ZBTB40: variants seen among roughly 807,000 people sequenced by gnomAD.
ZBTB40 encodes the protein zinc finger and BTB domain-containing protein 40.
ZBTB40 carries 60 observed loss-of-function variants against 117.5 expected under a neutral mutation model. That is an observed-to-expected ratio of 0.51 (90% CI 0.41 to 0.63). The LOEUF is 0.63. Ranked by LOEUF, ZBTB40 falls within the 30% of genes least tolerant of loss-of-function variation. ZBTB40 has a pLI of 0.00. For synonymous variants in ZBTB40, 525 were observed against 577.1 expected, an observed-to-expected ratio of 0.91 and a Z score of 1.29; for missense variants, 1,287 against 1,498.5, an observed-to-expected ratio of 0.86 and a Z score of 2.33.
At chr1:22,483,195 A>G (rs1638375854) in intron 1 of ZBTB40, among the ~76,000 whole-genome samples, 1 of 151,962 alleles carries the variant, frequency 6.6e-6, no homozygotes, top group Non-Finnish European at 1.5e-5. Context: ...CAGTTTATTC[A>G]TTATATCTAC....
chr1:22,506,136 G>A lies in ZBTB40; in HGVS notation c.1255G>A (p.Ala419Thr), dbSNP rs1639069819. 3 of 1,614,096 alleles carry A rather than the reference G, an allele frequency of 1.9e-6. No homozygotes were observed. The highest frequency in any genetic ancestry group is 2.2e-5 in the South Asian group (2 of 91,090). The change falls in exon 6 of 18, where the codon GCT becomes ACT. Residue 419 changes from alanine (A) to threonine (T), a missense_variant. By Grantham distance (58) the Ala-to-Thr change is moderately conservative. This residue lies in a region of ZBTB40 where 870 missense variants were observed against 934.4 expected (regional missense o/e 0.93). Coordinates refer to ENST00000375647, the MANE Select transcript of ZBTB40 (RefSeq NM_014870.4). ...AATGACTGAAGAGAAGACGCTGACT[G>A]CTGAGGGTTTGGTAAAACTCCTCCA... ...HRMTEEKTLT[A>T]EGLVKLLQAV... is the part of the protein sequence containing the mutation.
At position 22,506,245 on chromosome 1, in the gene ZBTB40, T is replaced by G; in HGVS notation, c.1360+4T>G. The G allele has an allele frequency of 6.2e-7, 1 of 1,614,022 alleles. No individual in the cohort carries two copies. Among genetic ancestry groups the G allele is most frequent in the Non-Finnish European group, 8.5e-7 (1 of 1,179,964 alleles). The stretch of plus-strand genomic sequence containing the variant: ...GCCACTTTGCCAAGCACCACAGGTA[T>G]TAGTAAATTGTTGACTCTCTGGACT... On this transcript the variant is annotated splice_donor_region_variant and intron_variant, in intron 6 of 17. Coordinates refer to ENST00000375647, the MANE Select transcript of ZBTB40 (RefSeq NM_014870.4).
chr1:22,515,581 C>T (rs541349186), intron 12 of ZBTB40, among the ~76,000 whole-genome samples: 2 of 152,282 alleles, frequency 1.3e-5, no homozygotes, highest in Non-Finnish European at 2.9e-5. Context: ...GGCCACATCA[C>T]CCCAACCTCT....
chr1:22,472,780 C>G (rs1641442826), intron 1 of ZBTB40, among the ~76,000 whole-genome samples: 1 of 152,172 alleles, frequency 6.6e-6, no homozygotes, highest in East Asian at 1.9e-4. Flanking sequence ...TGACCATTTC[C>G]TAGATCAAGA....
In ZBTB40 at chr1:22,506,116, C is replaced by G. The variant is rs779210003; in HGVS notation, c.1235C>G (p.Thr412Ser). The change falls in exon 6 of 18, where the codon ACT becomes AGT. Residue 412 changes from threonine (T) to serine (S), a missense_variant. This residue lies in a region of ZBTB40 where 870 missense variants were observed against 934.4 expected (regional missense o/e 0.93). Coordinates refer to ENST00000375647, the MANE Select transcript of ZBTB40 (RefSeq NM_014870.4). Reference protein sequence around the residue: ...ETIENLLHRMTEEKTLTAEGL... With the variant: ...ETIENLLHRMSEEKTLTAEGL... ...ATAGAAAATTTGTTGCACAGAATGA[C>G]TGAAGAGAAGACGCTGACTGCTGAG... 1 of 1,614,186 alleles carries G rather than the reference C, an allele frequency of 6.2e-7. No individual in the cohort carries two copies. The highest frequency in any genetic ancestry group is 8.5e-7 in the Non-Finnish European group (1 of 1,180,028).
intron 13 of ZBTB40, chr1:22,519,477 T>C (rs1206469772): frequency 6.2e-6 from 1 of 162,128 alleles, no homozygotes; most frequent in Non-Finnish European, 1.4e-5. Context: ...ATCTGTAAAA[T>C]AGGGATGATA....
Position 22,490,184 on chromosome 1 carries a change from A to C in ZBTB40, c.236A>C (p.Tyr79Ser). The C allele has an allele frequency of 6.2e-7, 1 of 1,614,190 alleles. No homozygotes were observed. Among genetic ancestry groups the C allele is most frequent in the Non-Finnish European group, 8.5e-7 (1 of 1,180,022 alleles). ...EEFALLLEMM[Y>S]TGKLPVGKHN... ...TTTGCGCTCTTGTTGGAAATGATGT[A>C]CACGGGCAAACTACCTGTGGGCAAG... The change falls in exon 2 of 18, where the codon TAC becomes TCC. Residue 79 changes from tyrosine (Y) to serine (S), a missense_variant. Physicochemically the swap from Tyr to Ser is moderately radical, Grantham distance 144. Coordinates refer to ENST00000375647, the MANE Select transcript of ZBTB40 (RefSeq NM_014870.4).
chr1:22,473,001 TTTCTGTC>T (rs1372488462), intron 1 of ZBTB40, among the ~76,000 whole-genome samples: 1 of 152,350 alleles, frequency 6.6e-6, no homozygotes, highest in East Asian at 1.9e-4. Flanking sequence ...GGACATTGTT[TTTCTGTC>T]TGGAGCCAAG....
At position 22,491,294 on chromosome 1, in the gene ZBTB40, C is replaced by T. The variant is rs1569837182; in HGVS notation, c.698-106C>T. 4 of 1,095,752 alleles carry T rather than the reference C, an allele frequency of 3.7e-6. No homozygotes were observed. The East Asian group carries it at 9.7e-5, about 27-fold the overall frequency. The allele number at this position is 1,095,752 out of a possible 1,614,324, so 67.9% of individuals were successfully genotyped here. On this transcript the variant is annotated intron_variant, in intron 2 of 17. Transcript: ENST00000375647. ...CATAACTGATGTGCTAGACAGAGAT[C>T]AGTTAAGTGCAGTATATGACCTGAA...
intron 1 of ZBTB40, among the ~76,000 whole-genome samples, chr1:22,470,178 G>A (rs1197183740): frequency 6.6e-6 from 1 of 152,178 alleles, no homozygotes; most frequent in Non-Finnish European, 1.5e-5. Context: ...ACTTGAGCAG[G>A]TCACTTGATT....
intron 13 of ZBTB40, among the ~76,000 whole-genome samples, chr1:22,517,905 G>A (rs1639418247): frequency 6.6e-6 from 1 of 152,100 alleles, no homozygotes; most frequent in South Asian, 2.1e-4. Context: ...AAAACCTCCC[G>A]CCCAGCATTC....
intron 2 of ZBTB40, among the ~76,000 whole-genome samples, 163 bp downstream of exon 2, chr1:22,490,808 C>T (rs1344271308): frequency 6.6e-6 from 1 of 152,154 alleles, no homozygotes; most frequent in Non-Finnish European, 1.5e-5. Flanking sequence ...TGTTTTTGAA[C>T]ATTGAAAGTC....
chr1:22,441,698 G>C (rs1640735126), intron 1 of ZBTB40, among the ~76,000 whole-genome samples: 1 of 151,868 alleles, frequency 6.6e-6, no homozygotes, highest in African/African-American at 2.4e-5. Flanking sequence ...GGCCAGGCTG[G>C]TCTCAAACTC....
At chr1:22,460,199 T>G (rs1344637751) in intron 1 of ZBTB40, among the ~76,000 whole-genome samples, 1 of 152,150 alleles carries the variant, frequency 6.6e-6, no homozygotes, top group African/African-American at 2.4e-5. Context: ...GCTGAATGGA[T>G]GAATAAAGTA....
At chr1:22,466,895 A>T (rs544472729) in intron 1 of ZBTB40, among the ~76,000 whole-genome samples, 4 of 152,128 alleles carry the variant, frequency 2.6e-5, no homozygotes, top group Non-Finnish European at 5.9e-5. Flanking sequence ...CCTTTGATAA[A>T]CAGACATTGA....
intron 1 of ZBTB40, among the ~76,000 whole-genome samples, chr1:22,477,276 AT>A (rs1012272129): frequency 1.1e-4 from 16 of 152,338 alleles, no homozygotes; most frequent in African/African-American, 3.6e-4. Context: ...GGATGATTTC[AT>A]AGCCTTTCTC....
chr1:22,459,921 CT>C (rs1462031386), intron 1 of ZBTB40, among the ~76,000 whole-genome samples: 1 of 152,110 alleles, frequency 6.6e-6, no homozygotes, highest in Non-Finnish European at 1.5e-5. Context: ...CTGTATGCTT[CT>C]TTTTCAGTTT....
chr1:22,492,552 G>A (rs1348224579), intron 3 of ZBTB40, among the ~76,000 whole-genome samples: 2 of 152,222 alleles, frequency 1.3e-5, no homozygotes, highest in African/African-American at 4.8e-5. Context: ...GATTGGTAGG[G>A]GGTAGTGTGG....
intron 1 of ZBTB40, chr1:22,452,652 C>G (rs754563599): frequency 3.9e-5 from 6 of 152,336 alleles, no homozygotes; most frequent in Non-Finnish European, 7.3e-5. Context: ...TGTCTGGTCC[C>G]TTACAGCAAA....
Sources: allele counts gnomAD v4.1 joint callset (sites outside exome capture counted in the v4.1 genomes callset), GRCh38; gene constraint gnomAD v4.1.1; regional missense constraint gnomAD v4.1.1; transcripts MANE v1.5; gene names NCBI Gene and HGNC (gene_info 2026-07-23, HGNC 2026-07-21).